Variants in AGAP1 observed in about 807,000 individuals in gnomAD.
AGAP1 encodes arf-GAP with GTPase, ANK repeat and PH domain-containing protein 1.
Under a neutral mutation model 105.3 loss-of-function variants are expected in AGAP1, and 29 were observed. That is an observed-to-expected ratio of 0.28 (90% CI 0.21 to 0.38). The LOEUF (loss-of-function observed/expected upper bound fraction) is 0.38, where lower values mean the gene tolerates loss of function less well. AGAP1 is among the 10% of genes least tolerant of loss of function. The probability of loss-of-function intolerance (pLI) is 1.00; values close to 1 mark genes in which losing one functional copy is unlikely to be tolerated. For missense variants in AGAP1, 998 were observed against 1,165.1 expected (o/e 0.86, Z 2.09); for synonymous variants, 509 against 485.9 (o/e 1.05, Z -0.63).
rs1186554933 is a variant in AGAP1 at position 235,962,086 on chromosome 2, C to T, written c.1484-6376C>T. Among the ~76,000 whole-genome samples the T allele has an allele frequency of 4.2e-5, 6 of 142,592 alleles. No individual in the cohort carries two copies. Among genetic ancestry groups the T allele is most frequent in the Non-Finnish European group, 7.7e-5 (5 of 65,340 alleles). 93.5% of individuals were successfully genotyped at this position (142,592 alleles called of 152,430 possible). On this transcript the variant is annotated intron_variant, in intron 12 of 17. Transcript: ENST00000304032. This position sits in a 1 kb window ranked among gnomAD's most constrained non-coding sequence, Gnocchi z 5.3. ...TGTTTTGTTTTGTTTTGTTTTGTTTCAGTGAAGTGAAAAGTGAGGTCATCG... is the reference window on the plus strand; with the variant it reads ...TGTTTTGTTTTGTTTTGTTTTGTTTTAGTGAAGTGAAAAGTGAGGTCATCG...
chr2:236,017,117 C>T lies in AGAP1; in HGVS notation c.1646-19444C>T, dbSNP rs144311335. ...CAGCCTGGCCAACACGGTGAAACCC[C>T]ATCTCTACTAAAAATAAAAAAAAAA... On this transcript the variant is annotated intron_variant, in intron 13 of 17. Coordinates refer to ENST00000304032, the MANE Select transcript of AGAP1 (RefSeq NM_001037131.3). 5.7e-3 allele frequency among the ~76,000 whole-genome samples: 869 copies of T among 151,638 alleles called. 4 individuals are homozygous for T. Among genetic ancestry groups the T allele is most frequent in the African/African-American group, 0.02 (819 of 41,316 alleles).
At position 235,636,483 on chromosome 2, in the gene AGAP1, C is replaced by G. The variant is rs528232083; in HGVS notation, c.164-72696C>G. Among the ~76,000 whole-genome samples, 13 of 151,534 alleles carry G rather than the reference C, an allele frequency of 8.6e-5. No individual in the cohort carries two copies. The South Asian group carries it at 2.5e-3, about 29-fold the overall frequency. ...GGAAGTTGGCTATCTGGTCTCGAAC[C>G]CTCAGTCACTGTCAGGGACGGCAGA... On this transcript the variant is annotated intron_variant, in intron 1 of 17. Coordinates refer to ENST00000304032, the MANE Select transcript of AGAP1 (RefSeq NM_001037131.3).
chr2:235,688,687 C>CTAG (rs1408330443), intron 1 of AGAP1, among the ~76,000 whole-genome samples: 1 of 152,174 alleles, frequency 6.6e-6, no homozygotes, highest in African/African-American at 2.4e-5. Context: ...CCCGTTAAGA[C>CTAG]TAGACAAGGG....
chr2:235,952,062 A>T (rs2053760176), intron 12 of AGAP1, among the ~76,000 whole-genome samples: 2 of 152,190 alleles, frequency 1.3e-5, no homozygotes, highest in African/African-American at 4.8e-5. Flanking sequence ...TCTCATTAAC[A>T]CCACACCAGA....
rs1420844045 is a variant in AGAP1 at position 235,631,511 on chromosome 2, G to C, written c.164-77668G>C. Among the ~76,000 whole-genome samples, 2 of 152,190 alleles carry C rather than the reference G, an allele frequency of 1.3e-5. No individual in the cohort carries two copies. Among genetic ancestry groups the C allele is most frequent in the Non-Finnish European group, 2.9e-5 (2 of 68,030 alleles). ...GTCCTGGTTATACCTGCTGGTCAAA[G>C]GTCAGTCTGCCAAGGCCCCTCCTTG... On this transcript the variant is annotated intron_variant, in intron 1 of 17. Transcript: ENST00000304032. The surrounding 1 kb of genome is among the most constrained non-coding windows in gnomAD (Gnocchi z 5.4).
rs1189534227 is a variant in AGAP1, at chr2:236,020,427, C to G, written c.1646-16134C>G. ...TGTTATCTAGACTTTTAAACCTACC[C>G]TCCTGCTTCCATTTGCTGTCATCTG... is the stretch of plus-strand genomic sequence containing the variant. On this transcript the variant is annotated intron_variant, in intron 13 of 17. Coordinates refer to ENST00000304032, the MANE Select transcript of AGAP1 (RefSeq NM_001037131.3). The surrounding 1 kb of genome is among the most constrained non-coding windows in gnomAD (Gnocchi z 5.0). 6.6e-6 allele frequency among the ~76,000 whole-genome samples: 1 copy of G among 152,192 alleles called. No individual in the cohort carries two copies. The highest frequency in any genetic ancestry group is 2.4e-5 in the African/African-American group (1 of 41,434).
rs747884322 is a variant in AGAP1 at position 236,050,429 on chromosome 2, C to T, written c.2114+1148C>T. On this transcript the variant is annotated intron_variant, in intron 16 of 17. Transcript: ENST00000304032. The surrounding 1 kb of genome is among the most constrained non-coding windows in gnomAD (Gnocchi z 4.0). ...TTTAAAATTGCATGGTTTTGATACG[C>T]GACCTCTTTATGAGTTATGCTCTAT... is the stretch of plus-strand genomic sequence containing the variant. Among the ~76,000 whole-genome samples the T allele has an allele frequency of 1.6e-4, 25 of 152,092 alleles. No individual in the cohort carries two copies. The highest frequency in any genetic ancestry group is 4.6e-4 in the African/African-American group (19 of 41,414).
rs1673941714 is a variant in AGAP1, at chr2:235,737,148, A to T, written c.311-3815A>T. Among the ~76,000 whole-genome samples the T allele has an allele frequency of 6.6e-6, 1 of 152,222 alleles. No individual in the cohort carries two copies. Among genetic ancestry groups the T allele is most frequent in the Non-Finnish European group, 1.5e-5 (1 of 68,048 alleles). ...GACCTTTTGAAAATCTCCCCAGTAAAGACATTCTTGCTTTCATACAACCTG... is the reference window on the plus strand; with the variant it reads ...GACCTTTTGAAAATCTCCCCAGTAATGACATTCTTGCTTTCATACAACCTG... On this transcript the variant is annotated intron_variant, in intron 3 of 17. Transcript: ENST00000304032. This position sits in a 1 kb window ranked among gnomAD's most constrained non-coding sequence, Gnocchi z 4.5.
At chr2:235,848,096 G>A (rs567330421) in intron 9 of AGAP1, among the ~76,000 whole-genome samples, 6 of 152,258 alleles carry the variant, frequency 3.9e-5, no homozygotes, top group South Asian at 4.1e-4. Context: ...GTATCCCACC[G>A]GTTACACTCT....
rs1288222316 is a variant in AGAP1 at position 235,719,601 on chromosome 2, T to C, written c.310+1957T>C. ...ATGGTTTTTAAAAATACATTATTTT[T>C]AAGAGTAGGAGCGTGGGTGAGTACC... On this transcript the variant is annotated intron_variant, in intron 3 of 17. Coordinates refer to ENST00000304032, the MANE Select transcript of AGAP1 (RefSeq NM_001037131.3). The surrounding 1 kb of genome is among the most constrained non-coding windows in gnomAD (Gnocchi z 4.9). 5.3e-5 allele frequency among the ~76,000 whole-genome samples: 8 copies of C among 152,242 alleles called. No individual in the cohort carries two copies. The highest frequency in any genetic ancestry group is 1.2e-4 in the Non-Finnish European group (8 of 68,046).
chr2:235,593,794 A>C (rs1454206377), intron 1 of AGAP1, among the ~76,000 whole-genome samples: 1 of 152,086 alleles, frequency 6.6e-6, no homozygotes, highest in Non-Finnish European at 1.5e-5. Flanking sequence ...TGAGACCCAC[A>C]TCTCTAAAAA....
chr2:235,999,490 AGGT>A (rs1238915882), intron 13 of AGAP1, among the ~76,000 whole-genome samples: 8 of 124,652 alleles, frequency 6.4e-5, no homozygotes, highest in East Asian at 2.5e-4. Context: ...CGATGGTGAG[AGGT>A]GGTGGTGGTA....
Position 236,113,266 on chromosome 2 carries a change from G to T in AGAP1, c.2115-6926G>T, listed in dbSNP as rs990165887. On this transcript the variant is annotated intron_variant, in intron 16 of 17. Transcript: ENST00000304032. This position sits in a 1 kb window ranked among gnomAD's most constrained non-coding sequence, Gnocchi z 4.3. ...AGCAATTCTCTGCCTCAGCCCCCCC[G>T]AGTAGCTGGGATTACAGGCATCCGC... 6.6e-6 allele frequency among the ~76,000 whole-genome samples: 1 copy of T among 152,036 alleles called. No individual in the cohort carries two copies. Among genetic ancestry groups the T allele is most frequent in the African/African-American group, 2.4e-5 (1 of 41,392 alleles).
At position 235,769,454 on chromosome 2, in the gene AGAP1, G is replaced by C. The variant is rs900240461; in HGVS notation, c.673+18966G>C. 3.9e-5 allele frequency among the ~76,000 whole-genome samples: 6 copies of C among 152,244 alleles called. No homozygotes were observed. The highest frequency in any genetic ancestry group is 1.4e-4 in the African/African-American group (6 of 41,456). On this transcript the variant is annotated intron_variant, in intron 6 of 17. Coordinates refer to ENST00000304032, the MANE Select transcript of AGAP1 (RefSeq NM_001037131.3). This position sits in a 1 kb window ranked among gnomAD's most constrained non-coding sequence, Gnocchi z 4.4. ...TACTAAATAATGTTTTAAGGAATTGGAGTTTTGCGAGGAGATGGTGACAAG... is the reference window on the plus strand; with the variant it reads ...TACTAAATAATGTTTTAAGGAATTGCAGTTTTGCGAGGAGATGGTGACAAG...
At chr2:236,030,662 G>A (rs1463350587) in intron 13 of AGAP1, among the ~76,000 whole-genome samples, 3 of 152,154 alleles carry the variant, frequency 2.0e-5, no homozygotes, top group African/African-American at 7.2e-5. Flanking sequence ...GGAGAAGGAG[G>A]GTCCTCTTGA....
intron 9 of AGAP1, among the ~76,000 whole-genome samples, chr2:235,816,783 TG>T (rs945929777): frequency 6.6e-6 from 1 of 151,708 alleles, no homozygotes. Context: ...CCCACCTACC[TG>T]GGAAGCCGAG....
rs1282443315 is a variant in AGAP1 at position 235,753,449 on chromosome 2, A to G, written c.673+2961A>G. 1.3e-5 allele frequency among the ~76,000 whole-genome samples: 2 copies of G among 152,096 alleles called. No homozygotes were observed. The highest frequency in any genetic ancestry group is 2.9e-5 in the Non-Finnish European group (2 of 68,028). Reference sequence around the variant, plus strand: ...GCTGGGCGCAGTGGCTCAGGCCTGTAATCCCAACACTTTGGGAGGCTGAGG... The same window carrying G: ...GCTGGGCGCAGTGGCTCAGGCCTGTGATCCCAACACTTTGGGAGGCTGAGG... On this transcript the variant is annotated intron_variant, in intron 6 of 17. Coordinates refer to ENST00000304032, the MANE Select transcript of AGAP1 (RefSeq NM_001037131.3). The surrounding 1 kb of genome is among the most constrained non-coding windows in gnomAD (Gnocchi z 4.5).
chr2:235,956,244 C>T (rs561882085), intron 12 of AGAP1, among the ~76,000 whole-genome samples: 36 of 152,312 alleles, frequency 2.4e-4, no homozygotes, highest in African/African-American at 7.9e-4. Flanking sequence ...AACAGCGCTG[C>T]GCATCGTGCC....
rs1041561050 is a variant in AGAP1, at chr2:236,078,594, G to A, written c.2114+29313G>A. On this transcript the variant is annotated intron_variant, in intron 16 of 17. Coordinates refer to ENST00000304032, the MANE Select transcript of AGAP1 (RefSeq NM_001037131.3). This position sits in a 1 kb window ranked among gnomAD's most constrained non-coding sequence, Gnocchi z 5.3. ...ATTGGGCACTTTTGCCTTTGAAAAC[G>A]TAATCTCCCTAGATAAGTATTACCA... Among the ~76,000 whole-genome samples the A allele has an allele frequency of 6.6e-6, 1 of 152,138 alleles. No homozygotes were observed. Among genetic ancestry groups the A allele is most frequent in the Non-Finnish European group, 1.5e-5 (1 of 68,026 alleles).
Sources: gnomAD v4.1 joint callset for allele counts (sites outside exome capture counted in the v4.1 genomes callset) on GRCh38, gnomAD v4.1.1 for gene constraint, Gnocchi (gnomAD v3.1) non-coding constraint, MANE v1.5 for transcripts, NCBI Gene and HGNC (gene_info 2026-07-23, HGNC 2026-07-21) for gene names.